CDK8: variants seen among roughly 807,000 people sequenced by gnomAD.
The protein encoded by CDK8 is cyclin-dependent kinase 8.
CDK8 carries 29 observed loss-of-function variants against 71.5 expected under a neutral mutation model. The ratio of observed to expected loss-of-function variants is 0.41; its 90% CI spans 0.30 to 0.55. CDK8 has a LOEUF of 0.55. Among genes scored for constraint, CDK8 ranks in the 20% least tolerant of loss-of-function variants. CDK8 has a pLI of 0.37. For missense variants in CDK8, 288 were observed against 572.6 expected (o/e 0.50, Z 5.07); for synonymous variants, 161 against 192.1 (o/e 0.84, Z 1.34).
At chr13:26,359,031 A>G in intron 4 of CDK8, 1 of 302,974 alleles carries the variant, frequency 3.3e-6, no homozygotes. Flanking sequence ...TGTCTGTAAA[A>G]TAAAAATTAC....
At chr13:26,345,486 A>G (rs1873425990) in intron 2 of CDK8, among the ~76,000 whole-genome samples, 1 of 152,102 alleles carries the variant, frequency 6.6e-6, no homozygotes, top group African/African-American at 2.4e-5. Flanking sequence ...GGCTCAAGCG[A>G]TTCTCCTGCC....
At chr13:26,331,986 T>TC (rs1872780855) in intron 1 of CDK8, among the ~76,000 whole-genome samples, 2 of 152,194 alleles carry the variant, frequency 1.3e-5, no homozygotes, top group East Asian at 3.9e-4. Flanking sequence ...TTTAATTTCT[T>TC]TTAACAGTGT....
At chr13:26,362,235 GA>G (rs1189611087) in intron 4 of CDK8, among the ~76,000 whole-genome samples, 43 of 150,310 alleles carry the variant, frequency 2.9e-4, no homozygotes, top group Non-Finnish European at 1.3e-4. Flanking sequence ...TGGATGGATG[GA>G]TGGATGGATG....
intron 1 of CDK8, among the ~76,000 whole-genome samples, chr13:26,300,495 C>T (rs1297249090): frequency 6.6e-6 from 1 of 152,174 alleles, no homozygotes; most frequent in Non-Finnish European, 1.5e-5. Flanking sequence ...CCATAGGTAA[C>T]TGATACTGCG....
chr13:26,330,364 C>T (rs1875255478), intron 1 of CDK8, among the ~76,000 whole-genome samples: 1 of 152,260 alleles, frequency 6.6e-6, no homozygotes, highest in East Asian at 1.9e-4. Flanking sequence ...CACCACCATG[C>T]CTGACTAATT....
rs576900362 is a variant in CDK8, at chr13:26,355,101, G to C, written c.456+1221G>C. 6.6e-5 allele frequency among the ~76,000 whole-genome samples: 10 copies of C among 152,288 alleles called. No homozygotes were observed. The South Asian group carries it at 2.1e-3, about 32-fold the overall frequency. Reference sequence around the variant, plus strand: ...GTTCTTCACAAATTTAGTGGATTTAGTCTCTGGCCTTCAATGTGCTGTTCC... The same window carrying C: ...GTTCTTCACAAATTTAGTGGATTTACTCTCTGGCCTTCAATGTGCTGTTCC... On this transcript the variant is annotated intron_variant, in intron 4 of 12. Transcript: ENST00000381527.
chr13:26,293,886 T>G lies in CDK8; in HGVS notation c.128+39117T>G, dbSNP rs140949917. Among the ~76,000 whole-genome samples the G allele has an allele frequency of 5.9e-3, 902 of 152,186 alleles. 10 individuals carry two copies. Among genetic ancestry groups the G allele is most frequent in the African/African-American group, 0.021 (854 of 41,528 alleles). On this transcript the variant is annotated intron_variant, in intron 1 of 12. Coordinates refer to ENST00000381527, the MANE Select transcript of CDK8 (RefSeq NM_001260.3). ...TTTGACCTTATTTTTCCTGCTTAAT[T>G]GAAATTTGGTATACTTTTGCAAACC...
intron 1 of CDK8, among the ~76,000 whole-genome samples, chr13:26,311,433 C>CA (rs1874280522): frequency 6.6e-6 from 1 of 152,166 alleles, no homozygotes; most frequent in Non-Finnish European, 1.5e-5. Flanking sequence ...AATTCTGACT[C>CA]AGAGTGATTT....
At chr13:26,301,446 A>G (rs373294957) in intron 1 of CDK8, among the ~76,000 whole-genome samples, 52 of 152,290 alleles carry the variant, frequency 3.4e-4, no homozygotes, top group African/African-American at 1.2e-3. Flanking sequence ...ATTACCTGGT[A>G]TGGTATCACA....
intron 1 of CDK8, among the ~76,000 whole-genome samples, chr13:26,284,749 A>G (rs1360169708): frequency 6.6e-6 from 1 of 152,016 alleles, no homozygotes; most frequent in Admixed American, 6.6e-5. Flanking sequence ...GAAGGAGGGT[A>G]CCCTCCCCAA....
At chr13:26,390,864 C>T (rs975692335) in intron 6 of CDK8, among the ~76,000 whole-genome samples, 1 of 152,052 alleles carries the variant, frequency 6.6e-6, no homozygotes, top group East Asian at 1.9e-4. Flanking sequence ...GCCTGGTTAG[C>T]TCAGTAGCTA....
At chr13:26,356,366 G>A (rs1873898577) in intron 4 of CDK8, among the ~76,000 whole-genome samples, 1 of 152,068 alleles carries the variant, frequency 6.6e-6, no homozygotes, top group South Asian at 2.1e-4. Context: ...AAAAAGTTCT[G>A]CAGTGTCTGC....
At chr13:26,381,780 A>G (rs573364156) in intron 4 of CDK8, among the ~76,000 whole-genome samples, 2 of 151,360 alleles carry the variant, frequency 1.3e-5, no homozygotes, top group African/African-American at 2.4e-5. Flanking sequence ...GGGAATAACT[A>G]TCTTTGGTAG....
chr13:26,368,627 G>T (rs1874507692), intron 4 of CDK8, among the ~76,000 whole-genome samples: 1 of 152,174 alleles, frequency 6.6e-6, no homozygotes, highest in South Asian at 2.1e-4. Context: ...TATAGTAATG[G>T]TTAGGACTTA....
intron 4 of CDK8, among the ~76,000 whole-genome samples, chr13:26,366,901 G>C (rs961250666): frequency 6.6e-6 from 1 of 152,020 alleles, no homozygotes; most frequent in Non-Finnish European, 1.5e-5. Context: ...AGACTAATAG[G>C]CCTTAAAGTT....
At chr13:26,385,435 A>G in intron 6 of CDK8, 93 bp downstream of exon 6, 1 of 1,066,216 alleles carries the variant, frequency 9.4e-7, no homozygotes, top group Non-Finnish European at 1.3e-6. Flanking sequence ...AGTATAGCAA[A>G]TTATAAAAGT....
intron 10 of CDK8, among the ~76,000 whole-genome samples, chr13:26,400,762 T>C (rs1187707582): frequency 6.6e-6 from 1 of 152,156 alleles, no homozygotes; most frequent in Non-Finnish European, 1.5e-5. Context: ...TATGAAATGC[T>C]GATCACATTA....
intron 1 of CDK8, among the ~76,000 whole-genome samples, chr13:26,286,076 C>T (rs1873005134): frequency 6.6e-6 from 1 of 152,156 alleles, no homozygotes; most frequent in African/African-American, 2.4e-5. Context: ...GTGAAAATGA[C>T]CATACTGCCA....
chr13:26,333,062 G>T (rs1208825888), intron 1 of CDK8, among the ~76,000 whole-genome samples: 1 of 152,090 alleles, frequency 6.6e-6, no homozygotes, highest in Non-Finnish European at 1.5e-5. Flanking sequence ...GTCCTCAAGG[G>T]AGAAAAGGTA....
Sources: gnomAD v4.1 joint callset for allele counts (sites outside exome capture counted in the v4.1 genomes callset) on GRCh38, gnomAD v4.1.1 for gene constraint, MANE v1.5 for transcripts, NCBI Gene and HGNC (gene_info 2026-07-23, HGNC 2026-07-21) for gene names.